The following SH3GLB2 variants were observed in gnomAD, a reference collection of about 807,000 sequenced individuals.
SH3GLB2 encodes the protein SH3 domain containing GRB2 like, endophilin B2.
In SH3GLB2, 24 loss-of-function variants were observed where a neutral mutation model predicts 48.0. The ratio of observed to expected loss-of-function variants is 0.50; its 90% CI spans 0.36 to 0.70. The LOEUF (loss-of-function observed/expected upper bound fraction) is 0.70, where lower values mean the gene tolerates loss of function less well. Ranked by LOEUF, SH3GLB2 falls within the 30% of genes least tolerant of loss-of-function variation. The pLI is 0.00. For missense variants in SH3GLB2, 425 were observed against 516.0 expected (o/e 0.82, Z 1.71); for synonymous variants, 227 against 207.6 (o/e 1.09, Z -0.80).
chr9:129,017,827 G>A (rs1843524363), intron 3 of SH3GLB2, among the ~76,000 whole-genome samples: 1 of 151,808 alleles, frequency 6.6e-6, no homozygotes, highest in African/African-American at 2.4e-5. Flanking sequence ...GAACACGAGA[G>A]GCGGAGGTTG....
Position 129,009,818 on chromosome 9 carries a change from G to T in SH3GLB2, c.792C>A (p.Tyr264Ter), listed in dbSNP as rs183074354. The T allele has an allele frequency of 6.2e-7, 1 of 1,613,894 alleles. No homozygotes were observed. The highest frequency in any genetic ancestry group is 2.2e-5 in the East Asian group (1 of 44,886). The stretch of plus-strand genomic sequence containing the variant: ...CCAGCATGTGGCGGTAGCACTGTGC[G>T]TAGTAGGTTGTCTGAGACTTGACGA... ...HEFVKSQTTY[Y>*]AQCYRHMLDL... Residue 264 changes from tyrosine (Y) to a stop codon, truncating the protein, a stop_gained, in exon 9 of 11, where the codon TAC (tyrosine) becomes TAA (stop). Coordinates refer to ENST00000372564, the MANE Select transcript of SH3GLB2 (RefSeq NM_020145.4). LOFTEE classifies it high-confidence loss of function.
intron 7 of SH3GLB2, 78 bp downstream of exon 7, chr9:129,010,592 C>G: frequency 6.6e-7 from 1 of 1,525,950 alleles, no homozygotes; most frequent in East Asian, 2.2e-5. Context: ...AGAAACAGAT[C>G]AGACCCCACA....
In SH3GLB2 at chr9:129,014,478, C is replaced by T. The variant is rs1221475553; in HGVS notation, c.494G>A (p.Arg165Gln). Reference protein sequence around the residue: ...ISKERRLLQNRRLDLDACKAR... With the variant: ...ISKERRLLQNQRLDLDACKAR... The stretch of plus-strand genomic sequence containing the variant: ...TTTGCAGGCATCCAAGTCCAGACGC[C>T]GGTTTTGGAGGAGCCGCCTCTCCTT... The change falls in exon 5 of 11, where the codon CGG (arginine) becomes CAG (glutamine). Residue 165 changes from arginine (R) to glutamine (Q), a missense_variant. Physicochemically the swap from Arg to Gln is conservative, Grantham distance 43. Coordinates refer to ENST00000372564, the MANE Select transcript of SH3GLB2 (RefSeq NM_020145.4). The surrounding 1 kb of genome is among the most constrained non-coding windows in gnomAD (Gnocchi z 4.1). 9.7e-6 allele frequency: 15 copies of T among 1,551,328 alleles called. 1 individual carries two copies. The highest frequency in any genetic ancestry group is 3.6e-4 in the Middle Eastern group (2 of 5,582).
intron 6 of SH3GLB2, 42 bp from the exon 7 acceptor site, chr9:129,010,735 A>G (rs1334800396): frequency 1.2e-6 from 2 of 1,612,952 alleles, no homozygotes; most frequent in Non-Finnish European, 1.7e-6. Context: ...GGGAGGGGAG[A>G]GGAGGACAGC....
At chr9:129,012,351 G>C in intron 5 of SH3GLB2, 53 bp from the exon 6 acceptor site, 2 of 1,191,408 alleles carry the variant, frequency 1.7e-6, no homozygotes, top group Non-Finnish European at 2.2e-6. Flanking sequence ...GCCAGGGCCA[G>C]GGTCGAGGTC....
intron 3 of SH3GLB2, among the ~76,000 whole-genome samples, chr9:129,020,081 A>G (rs1163179975): frequency 6.6e-6 from 1 of 151,298 alleles, no homozygotes; most frequent in African/African-American, 2.4e-5. Flanking sequence ...TGGTGGGCAC[A>G]TGGAATCCCA....
chr9:129,010,822 A>G, intron 6 of SH3GLB2, 129 bp from the exon 7 acceptor site: 1 of 1,176,964 alleles, frequency 8.5e-7, no homozygotes, highest in South Asian at 1.4e-5. Flanking sequence ...CCCCCTCCCA[A>G]ACAGGAGCTG....
At chr9:129,020,438 G>A (rs1163877199) in intron 3 of SH3GLB2, among the ~76,000 whole-genome samples, 5 of 150,852 alleles carry the variant, frequency 3.3e-5, no homozygotes, top group African/African-American at 9.8e-5. Flanking sequence ...GTGTGGTGGC[G>A]GGCTCCTGTA....
chr9:129,024,921 G>T (rs1203664631), intron 1 of SH3GLB2, among the ~76,000 whole-genome samples: 1 of 143,418 alleles, frequency 7.0e-6, no homozygotes, highest in African/African-American at 2.6e-5. Context: ...AGTGAGCCGA[G>T]ATCACGCCAC....
chr9:129,009,980 C>G, intron 8 of SH3GLB2, 109 bp from the exon 9 acceptor site: 1 of 1,365,914 alleles, frequency 7.3e-7, no homozygotes, highest in South Asian at 1.3e-5. Flanking sequence ...TCCAGGGTGC[C>G]CTGCCCCTGC....
intron 7 of SH3GLB2, 64 bp downstream of exon 7, chr9:129,010,606 G>A: frequency 1.3e-6 from 2 of 1,579,004 alleles, no homozygotes; most frequent in Non-Finnish European, 1.7e-6. Context: ...CCCCACAGCA[G>A]CAAGTGTGCC....
At chr9:129,019,672 G>A (rs554756401) in intron 3 of SH3GLB2, among the ~76,000 whole-genome samples, 4 of 140,542 alleles carry the variant, frequency 2.8e-5, no homozygotes, top group Admixed American at 1.5e-4. Flanking sequence ...TTGCGCCACC[G>A]CACTCCAGCC....
chr9:129,016,798 T>C (rs1263126221), intron 3 of SH3GLB2, among the ~76,000 whole-genome samples: 3 of 152,164 alleles, frequency 2.0e-5, no homozygotes, highest in South Asian at 4.1e-4. Context: ...AGACAAAGAA[T>C]AGTATTTTAT....
chr9:129,014,962 A>T lies in SH3GLB2; in HGVS notation c.335-58T>A, dbSNP rs745739999. On this transcript the variant is annotated intron_variant, in intron 3 of 10. Transcript: ENST00000372564. The surrounding 1 kb of genome is among the most constrained non-coding windows in gnomAD (Gnocchi z 4.1). ...GGTCAGGCTCAGGCTACTCTGATCT[A>T]CAGGAGAGGGCTCAGGAAGAGCTTG... 94 of 1,578,644 alleles carry T rather than the reference A, an allele frequency of 6.0e-5. No homozygotes were observed. The highest frequency in any genetic ancestry group is 7.8e-5 in the Non-Finnish European group (91 of 1,162,630).
intron 3 of SH3GLB2, chr9:129,015,866 T>A: frequency 3.0e-6 from 1 of 337,276 alleles, no homozygotes; most frequent in Non-Finnish European, 6.0e-6. Context: ...AGATCCTGTC[T>A]TTAAAAAAAA....
chr9:129,028,037 T>C, intron 1 of SH3GLB2, 55 bp downstream of exon 1: 1 of 1,471,392 alleles, frequency 6.8e-7, no homozygotes. Context: ...CGCAGGGTGC[T>C]CCCCGCCCGC....
At chr9:129,013,569 G>C (rs903415374) in intron 5 of SH3GLB2, 1 of 173,854 alleles carries the variant, frequency 5.8e-6, no homozygotes, top group African/African-American at 2.4e-5. Flanking sequence ...GACGGTTCTC[G>C]CCAGGGGCAG....
At chr9:129,010,072 G>A (rs766563990) in intron 8 of SH3GLB2, 48 bp downstream of exon 8, 2 of 1,548,666 alleles carry the variant, frequency 1.3e-6, no homozygotes, top group African/African-American at 2.7e-5. Flanking sequence ...AGGCACACCT[G>A]GTGCCTGCTG....
At chr9:129,016,374 G>C (rs1305098157) in intron 3 of SH3GLB2, among the ~76,000 whole-genome samples, 1 of 89,536 alleles carries the variant, frequency 1.1e-5, no homozygotes, top group African/African-American at 4.2e-5. Context: ...AAAAAAAAAA[G>C]ATACGGCCGG....
Sources: gnomAD v4.1 joint callset for allele counts (sites outside exome capture counted in the v4.1 genomes callset) on GRCh38, gnomAD v4.1.1 for gene constraint, Gnocchi (gnomAD v3.1) non-coding constraint, MANE v1.5 for transcripts, NCBI Gene and HGNC (gene_info 2026-07-23, HGNC 2026-07-21) for gene names.